The following MRPS27 variants were observed in gnomAD, a reference collection of about 807,000 sequenced individuals.
MRPS27 encodes small ribosomal subunit protein mS27.
In MRPS27, 43 loss-of-function variants were observed where a neutral mutation model predicts 48.9. The ratio of observed to expected loss-of-function variants is 0.88; its 90% confidence interval spans 0.69 to 1.13. The LOEUF (loss-of-function observed/expected upper bound fraction) is 1.13, where lower values mean the gene tolerates loss of function less well. Ranked by LOEUF, MRPS27 falls within the 50% of genes most tolerant of loss-of-function variation. MRPS27 has a pLI of 0.00. For missense variants in MRPS27, 467 were observed against 476.3 expected, an observed-to-expected ratio of 0.98 and a Z score of 0.18; for synonymous variants, 188 against 171.9, an observed-to-expected ratio of 1.09 and a Z score of -0.73.
At chr5:72,272,278 G>C (rs1223091098) in intron 4 of MRPS27, among the ~76,000 whole-genome samples, 1 of 152,212 alleles carries the variant, frequency 6.6e-6, no homozygotes, top group Non-Finnish European at 1.5e-5. Flanking sequence ...CTACTTGCAA[G>C]GTTGGCCCTT....
chr5:72,282,413 T>A (rs1749555430), intron 4 of MRPS27, among the ~76,000 whole-genome samples: 1 of 152,176 alleles, frequency 6.6e-6, no homozygotes, highest in Non-Finnish European at 1.5e-5. Context: ...AGGGTTTATA[T>A]AATAAATATA....
At chr5:72,268,284 C>T (rs1251596242) in intron 4 of MRPS27, among the ~76,000 whole-genome samples, 1 of 152,188 alleles carries the variant, frequency 6.6e-6, no homozygotes, top group African/African-American at 2.4e-5. Context: ...ATCTTTCTTA[C>T]AATCTTCTAA....
chr5:72,316,474 T>C (rs927278125), intron 1 of MRPS27, among the ~76,000 whole-genome samples: 8 of 152,088 alleles, frequency 5.3e-5, no homozygotes, highest in Admixed American at 3.3e-4. Context: ...TTCAGGTAAT[T>C]CTCCTGCCTC....
chr5:72,222,069 G>A (rs1747759435), intron 10 of MRPS27, among the ~76,000 whole-genome samples: 1 of 152,206 alleles, frequency 6.6e-6, no homozygotes, highest in African/African-American at 2.4e-5. Context: ...GGTTGGGGGT[G>A]GGCAGGGTGC....
At chr5:72,317,927 G>C (rs971306943) in intron 1 of MRPS27, among the ~76,000 whole-genome samples, 5 of 152,148 alleles carry the variant, frequency 3.3e-5, no homozygotes, top group Non-Finnish European at 7.3e-5. Context: ...CTTTAAGCTG[G>C]GGTGTCCATT....
At position 72,242,665 on chromosome 5, in the gene MRPS27, T is replaced by TACACACACAC. The variant is rs57589095; in HGVS notation, c.282-4547_282-4538dup. On this transcript the variant is annotated intron_variant, in intron 4 of 10. Transcript: ENST00000261413. ...CTAGGCAACACAGCGAGACCCCGTC[T>TACACACACAC]ACACACACACACACACACACACACA... Among the ~76,000 whole-genome samples, 727 of 134,272 alleles carry TACACACACAC rather than the reference T, an allele frequency of 5.4e-3. 8 individuals are homozygous for TACACACACAC. The highest frequency in any genetic ancestry group is 0.016 in the African/African-American group (547 of 33,626). The allele number at this position is 134,272 out of a possible 152,430, so 88.1% of individuals were successfully genotyped here. A position where few individuals can be genotyped will look rare whatever the true frequency, so the allele number is the denominator to read the frequency against.
At chr5:72,293,992 T>A (rs2112058068) in intron 4 of MRPS27, among the ~76,000 whole-genome samples, 1 of 152,254 alleles carries the variant, frequency 6.6e-6, no homozygotes, top group Non-Finnish European at 1.5e-5. Context: ...TTTATCTTTA[T>A]CCTAATGAAG....
chr5:72,237,990 C>G, intron 5 of MRPS27, 24 bp downstream of exon 5: 1 of 1,532,792 alleles, frequency 6.5e-7, no homozygotes, highest in Non-Finnish European at 9.0e-7. Context: ...GGAAAACAGG[C>G]TGCAGATCCA....
At chr5:72,237,136 C>T (rs1257855552) in intron 5 of MRPS27, among the ~76,000 whole-genome samples, 2 of 152,038 alleles carry the variant, frequency 1.3e-5, no homozygotes, top group African/African-American at 2.4e-5. Context: ...GCATGTGCCA[C>T]GGTGCCTGGC....
At chr5:72,281,693 G>A (rs1749537670) in intron 4 of MRPS27, among the ~76,000 whole-genome samples, 1 of 152,148 alleles carries the variant, frequency 6.6e-6, no homozygotes, top group Non-Finnish European at 1.5e-5. Flanking sequence ...ATTCCAACTG[G>A]AGTCTGAAAG....
At chr5:72,249,362 C>T (rs1228033170) in intron 4 of MRPS27, among the ~76,000 whole-genome samples, 1 of 152,176 alleles carries the variant, frequency 6.6e-6, no homozygotes, top group Non-Finnish European at 1.5e-5. Flanking sequence ...TCCTTGCCTT[C>T]AATAAGGTTA....
intron 4 of MRPS27, among the ~76,000 whole-genome samples, chr5:72,266,846 C>A (rs1054612190): frequency 1.3e-5 from 2 of 151,420 alleles, no homozygotes; most frequent in Admixed American, 6.6e-5. Context: ...GGTGACAGAG[C>A]GAGATTTCGT....
At chr5:72,247,219 TA>T (rs1748532344) in intron 4 of MRPS27, among the ~76,000 whole-genome samples, 1 of 152,204 alleles carries the variant, frequency 6.6e-6, no homozygotes. Context: ...ATACTGTTTA[TA>T]AAAACACAGC....
At chr5:72,249,005 G>A (rs944617680) in intron 4 of MRPS27, among the ~76,000 whole-genome samples, 1 of 152,200 alleles carries the variant, frequency 6.6e-6, no homozygotes, top group Non-Finnish European at 1.5e-5. Flanking sequence ...TGTCCTTTAT[G>A]AGTGCACATT....
rs1179255567 is a variant in MRPS27 at position 72,320,176 on chromosome 5, C to T, written c.46G>A (p.Val16Met). 1 of 1,614,020 alleles carries T rather than the reference C, an allele frequency of 6.2e-7. No individual in the cohort carries two copies. The highest frequency in any genetic ancestry group is 8.5e-7 in the Non-Finnish European group (1 of 1,179,908). Residue 16 changes from valine to methionine, a missense_variant, in exon 1 of 11, where the codon GTG becomes ATG. Physicochemically the swap from Val to Met is conservative, Grantham distance 21. Coordinates refer to ENST00000261413, the MANE Select transcript of MRPS27 (RefSeq NM_015084.3). ...GCAGGAGAGAGCTGAGGAAGAACCA[C>T]TTGCCGCGCCAGGAGCATCCCGCGC... ...VRRGMLLARQ[V>M]VLPQLSPAGK... is the part of the protein sequence containing the mutation.
chr5:72,245,190 T>G (rs915603286), intron 4 of MRPS27, among the ~76,000 whole-genome samples: 3 of 152,176 alleles, frequency 2.0e-5, no homozygotes, highest in Non-Finnish European at 4.4e-5. Flanking sequence ...ATACACACAC[T>G]GGCTCACAGG....
Position 72,254,788 on chromosome 5 carries a change from TA to T in MRPS27, c.282-16661del, listed in dbSNP as rs1315998923. Among the ~76,000 whole-genome samples, 7 of 152,000 alleles carry T rather than the reference TA, an allele frequency of 4.6e-5. No individual in the cohort carries two copies. The South Asian group carries it at 1.0e-3, about 23-fold the overall frequency. ...TTTATTTTGTACCAATTCAAAGGAT[TA>T]AAAAAAACTAAAAAGTTGAGTTAAA... On this transcript the variant is annotated intron_variant, in intron 4 of 10. Coordinates refer to ENST00000261413, the MANE Select transcript of MRPS27 (RefSeq NM_015084.3).
intron 4 of MRPS27, among the ~76,000 whole-genome samples, chr5:72,247,434 A>G (rs2036266293): frequency 6.6e-6 from 1 of 152,218 alleles, no homozygotes. Context: ...ACGAGCAACC[A>G]TTCAGTCCAC....
chr5:72,242,552 C>A (rs62363249), intron 4 of MRPS27, among the ~76,000 whole-genome samples: 4 of 150,896 alleles, frequency 2.7e-5, no homozygotes, highest in Admixed American at 1.3e-4. Flanking sequence ...AAAAAAGTGG[C>A]CTAGGCACAG....
Sources: allele counts gnomAD v4.1 joint callset (sites outside exome capture counted in the v4.1 genomes callset), GRCh38; gene constraint gnomAD v4.1.1; transcripts MANE v1.5; gene names NCBI Gene and HGNC (gene_info 2026-07-23, HGNC 2026-07-21).